Variants in TEX2 observed in about 807,000 individuals in gnomAD.
TEX2 encodes the protein testis-expressed protein 2.
Under a neutral mutation model 106.9 loss-of-function variants are expected in TEX2, and 53 were observed. The ratio of observed to expected loss-of-function variants is 0.50; its 90% confidence interval spans 0.40 to 0.62. The LOEUF (loss-of-function observed/expected upper bound fraction) is 0.62, where lower values mean the gene tolerates loss of function less well. Among genes scored for constraint, TEX2 ranks in the 20% least tolerant of loss-of-function variants. The pLI, the probability that TEX2 is intolerant of heterozygous loss-of-function variation, is 0.00. For synonymous variants in TEX2, 523 were observed against 534.8 expected (o/e 0.98, Z 0.30); for missense variants, 1,207 against 1,379.0 (o/e 0.88, Z 1.98).
In TEX2 at chr17:64,149,028, G is replaced by A. The variant is rs757927643; in HGVS notation, c.3325C>T (p.Pro1109Ser). 6.2e-6 allele frequency: 10 copies of A among 1,614,000 alleles called. No individual in the cohort carries two copies. Among genetic ancestry groups the A allele is most frequent in the South Asian group, 2.2e-5 (2 of 91,074 alleles). The change falls in exon 12 of 12, where the codon CCT becomes TCT. Residue 1109 changes from proline (P) to serine (S), a missense_variant. Pro to Ser is a moderately conservative substitution (Grantham distance 74). Transcript: ENST00000584379. ...TTCAGGAGGCAGGAAGTAGAGCGAG[G>A]GTCCATGGCTGAGTGCATTATAGTG... The part of the protein sequence containing the change: ...YITIMHSAMD[P>S]RSTSCLLKDP...
chr17:64,225,272 C>T (rs782218942), intron 1 of TEX2, among the ~76,000 whole-genome samples: 2 of 151,796 alleles, frequency 1.3e-5, no homozygotes, highest in East Asian at 3.9e-4. Flanking sequence ...GACAATACAG[C>T]GAGACACTAT....
chr17:64,220,440 T>A (rs1279311314), intron 1 of TEX2, among the ~76,000 whole-genome samples: 11 of 151,844 alleles, frequency 7.2e-5, no homozygotes, highest in Admixed American at 7.2e-4. Context: ...TGGGAGAAAA[T>A]TTTTGTAATC....
chr17:64,191,890 TA>T (rs1225242747), intron 4 of TEX2, among the ~76,000 whole-genome samples: 1 of 151,176 alleles, frequency 6.6e-6, no homozygotes, highest in Non-Finnish European at 1.5e-5. Context: ...AATTTGAATA[TA>T]TTTTTAACCC....
chr17:64,257,597 C>CAGAT (rs1341427998), intron 1 of TEX2, among the ~76,000 whole-genome samples: 2 of 152,242 alleles, frequency 1.3e-5, no homozygotes, highest in African/African-American at 4.8e-5. Context: ...CTTTGTCCAG[C>CAGAT]AGATCCACGC....
intron 2 of TEX2, among the ~76,000 whole-genome samples, chr17:64,211,850 T>A (rs1305933523): frequency 3.9e-5 from 6 of 152,242 alleles, no homozygotes; most frequent in Admixed American, 2.0e-4. Context: ...AAAATAATAA[T>A]AAATAGAAGT....
chr17:64,252,504 G>A (rs1312487774), intron 1 of TEX2, among the ~76,000 whole-genome samples: 1 of 151,898 alleles, frequency 6.6e-6, no homozygotes, highest in Non-Finnish European at 1.5e-5. Flanking sequence ...TTTAAAGATG[G>A]GGAGGTCTCC....
Position 64,222,514 on chromosome 17 carries a change from C to A in TEX2, c.-25-8272G>T, listed in dbSNP as rs527968790. Among the ~76,000 whole-genome samples the A allele has an allele frequency of 5.3e-4, 42 of 79,580 alleles. 1 individual carries two copies. Among genetic ancestry groups the A allele is most frequent in the African/African-American group, 2.1e-3 (42 of 20,318 alleles). The allele number at this position is 79,580 out of a possible 152,430, so 52.2% of individuals were successfully genotyped here. ...GCCTGGCAACAGAGCGAGATTCCAA[C>A]TCACAAAAAAAAAAAAAAAAAAGCA... On this transcript the variant is annotated intron_variant, in intron 1 of 11. Transcript: ENST00000584379.
At chr17:64,220,245 T>C (rs2033320116) in intron 1 of TEX2, among the ~76,000 whole-genome samples, 1 of 152,084 alleles carries the variant, frequency 6.6e-6, no homozygotes, top group Non-Finnish European at 1.5e-5. Flanking sequence ...CCAAAAACTA[T>C]AAAAACCCTA....
At chr17:64,243,013 C>G (rs1197623411) in intron 1 of TEX2, among the ~76,000 whole-genome samples, 1 of 151,930 alleles carries the variant, frequency 6.6e-6, no homozygotes, top group Non-Finnish European at 1.5e-5. Context: ...ACTGCAACCT[C>G]TGCCCTCCAG....
chr17:64,177,727 A>AG (rs2031671797), intron 5 of TEX2, among the ~76,000 whole-genome samples: 2 of 152,188 alleles, frequency 1.3e-5, no homozygotes, highest in African/African-American at 2.4e-5. Flanking sequence ...ACCAGCTAAT[A>AG]TTTCATACTA....
chr17:64,172,454 T>C (rs73992996), intron 6 of TEX2, among the ~76,000 whole-genome samples: 2,259 of 152,226 alleles, frequency 0.015, 59 homozygotes, highest in African/African-American at 0.052. Flanking sequence ...TTGGTCTGCG[T>C]GAACTGTGCC....
intron 7 of TEX2, among the ~76,000 whole-genome samples, chr17:64,163,617 C>T (rs2030986832): frequency 6.6e-6 from 1 of 152,158 alleles, no homozygotes; most frequent in African/African-American, 2.4e-5. Flanking sequence ...ACCTGAAAAC[C>T]TGGGGACACG....
intron 1 of TEX2, among the ~76,000 whole-genome samples, chr17:64,260,447 G>C (rs2034269379): frequency 7.1e-6 from 1 of 141,134 alleles, no homozygotes; most frequent in African/African-American, 2.7e-5. Context: ...GGGATTACAA[G>C]ATGTGAGCCA....
intron 1 of TEX2, among the ~76,000 whole-genome samples, chr17:64,236,081 T>C (rs941695848): frequency 3.7e-4 from 56 of 151,786 alleles, no homozygotes; most frequent in Non-Finnish European, 8.1e-4. Context: ...GCAATCTAAA[T>C]AGCTTAAGGT....
At chr17:64,216,329 T>C (rs964308062) in intron 1 of TEX2, among the ~76,000 whole-genome samples, 1 of 152,200 alleles carries the variant, frequency 6.6e-6, no homozygotes, top group African/African-American at 2.4e-5. Context: ...AAGAAAATTA[T>C]AGAGGTAATT....
At position 64,153,045 on chromosome 17, in the gene TEX2, C is replaced by T. The variant is rs144314614; in HGVS notation, c.3040G>A (p.Glu1014Lys). 6.4e-5 allele frequency: 103 copies of T among 1,614,012 alleles called. No homozygotes were observed. The highest frequency in any genetic ancestry group is 7.7e-5 in the Non-Finnish European group (91 of 1,180,024). Reference protein sequence around the residue: ...TETEFIKKKIEEVSNTPLLLT... With the variant: ...TETEFIKKKIKEVSNTPLLLT... ...AGCAGGGGTGTGTTGGAGACTTCTT[C>T]GATCTTCTTTTTAATAAACTCTGTC... The change falls in exon 10 of 12, where the codon GAA becomes AAA. Residue 1014 changes from glutamate (E) to lysine (K), a missense_variant. By Grantham distance (56) the Glu-to-Lys change is moderately conservative. This residue lies in a region of TEX2 where 63 missense variants were observed against 112.2 expected (regional missense o/e 0.56). Coordinates refer to ENST00000584379, the MANE Select transcript of TEX2 (RefSeq NM_001288732.2). This position sits in a 1 kb window ranked among gnomAD's most constrained non-coding sequence, Gnocchi z 4.1.
intron 5 of TEX2, among the ~76,000 whole-genome samples, chr17:64,180,109 T>C (rs939001085): frequency 6.6e-6 from 1 of 152,214 alleles, no homozygotes; most frequent in Non-Finnish European, 1.5e-5. Flanking sequence ...TACAGACTTC[T>C]GCATAAACAC....
Position 64,210,634 on chromosome 17 carries a change from C to CTTTTTTTTTTTTTTTTTTTTTTTT in TEX2, c.1644+1916_1644+1939dup, listed in dbSNP as rs58313195. 6.7e-5 allele frequency among the ~76,000 whole-genome samples: 5 copies of CTTTTTTTTTTTTTTTTTTTTTTTT among 74,758 alleles called. 1 individual carries two copies. Among genetic ancestry groups the CTTTTTTTTTTTTTTTTTTTTTTTT allele is most frequent in the Non-Finnish European group, 9.7e-5 (4 of 41,032 alleles). 49.0% of individuals were successfully genotyped at this position (74,758 alleles called of 152,430 possible). Reference sequence around the variant, plus strand: ...TAAAAGAATTCTCCCCAACCCCCAGCTTTTTTTTTTTTTTTTTTTTTTTTT... The same window carrying CTTTTTTTTTTTTTTTTTTTTTTTT: ...TAAAAGAATTCTCCCCAACCCCCAGCTTTTTTTTTTTTTTTTTTTTTTTTTTTTTTTTTTTTTTTTTTTTTTTTT... On this transcript the variant is annotated intron_variant, in intron 2 of 11. Transcript: ENST00000584379.
rs758296409 is a variant in TEX2 at position 64,148,558 on chromosome 17, G to A, written c.*411C>T. On this transcript the variant is annotated 3_prime_UTR_variant, in exon 12 of 12. Coordinates refer to ENST00000584379, the MANE Select transcript of TEX2 (RefSeq NM_001288732.2). Reference sequence around the variant, plus strand: ...GGAAGTGTGGAAGGCCGCATACAAAGTATAGAAGTGAAAAAGTCCACTGTG... The same window carrying A: ...GGAAGTGTGGAAGGCCGCATACAAAATATAGAAGTGAAAAAGTCCACTGTG... 3.0e-5 allele frequency: 5 copies of A among 167,248 alleles called. No homozygotes were observed. Among genetic ancestry groups the A allele is most frequent in the African/African-American group, 7.2e-5 (3 of 41,758 alleles). The allele number at this position is 167,248 out of a possible 1,614,324, so 10.4% of individuals were successfully genotyped here.
Sources: gnomAD v4.1 joint callset for allele counts (sites outside exome capture counted in the v4.1 genomes callset) on GRCh38, gnomAD v4.1.1 for gene constraint, gnomAD v4.1.1 regional missense constraint, Gnocchi (gnomAD v3.1) non-coding constraint, MANE v1.5 for transcripts, NCBI Gene and HGNC (gene_info 2026-07-23, HGNC 2026-07-21) for gene names.